Variants in RRN3 observed in about 807,000 individuals in gnomAD.
RRN3 encodes the protein RNA polymerase I-specific transcription initiation factor RRN3.
In RRN3, 38 loss-of-function variants were observed where a neutral mutation model predicts 82.3. The ratio of observed to expected loss-of-function variants is 0.46; its 90% CI spans 0.36 to 0.61. The LOEUF (loss-of-function observed/expected upper bound fraction) is 0.61, where lower values mean the gene tolerates loss of function less well. Among genes scored for constraint, RRN3 ranks in the 20% least tolerant of loss-of-function variants. The pLI is 0.00. For missense variants in RRN3, 726 were observed against 793.1 expected (o/e 0.92, Z 1.02); for synonymous variants, 284 against 284.3 (o/e 1.00, Z 0.01).
intron 8 of RRN3, among the ~76,000 whole-genome samples, chr16:15,080,775 G>A (rs1299003672): frequency 6.6e-6 from 1 of 151,832 alleles, no homozygotes; most frequent in African/African-American, 2.4e-5. Context: ...ATCCATTAGT[G>A]CACCCCTAAA....
chr16:15,081,907 T>C (rs1436752441), intron 8 of RRN3, among the ~76,000 whole-genome samples: 2 of 152,230 alleles, frequency 1.3e-5, no homozygotes, highest in Non-Finnish European at 2.9e-5. Flanking sequence ...TTTGTTGAAA[T>C]GACTATTCTC....
intron 15 of RRN3, among the ~76,000 whole-genome samples, chr16:15,065,708 T>TA (rs773371363): frequency 6.6e-6 from 1 of 152,230 alleles, no homozygotes; most frequent in East Asian, 1.9e-4. Context: ...GCAAAACTCT[T>TA]AGATTACGTA....
chr16:15,092,379 G>A (rs1454343523), intron 2 of RRN3, 130 bp downstream of exon 2: 1 of 675,978 alleles, frequency 1.5e-6, no homozygotes, highest in East Asian at 2.7e-5. Context: ...ACGGCATCAT[G>A]CTATTATTAA....
At chr16:15,071,516 C>T (rs2045227922) in intron 12 of RRN3, among the ~76,000 whole-genome samples, 1 of 152,208 alleles carries the variant, frequency 6.6e-6, no homozygotes, top group African/African-American at 2.4e-5. Context: ...GCCTGTAATC[C>T]CAGCACTTTG....
intron 9 of RRN3, among the ~76,000 whole-genome samples, chr16:15,077,909 G>C (rs924945435): frequency 6.6e-6 from 1 of 152,142 alleles, no homozygotes; most frequent in African/African-American, 2.4e-5. Context: ...GTGTGAAAAT[G>C]GACTAATACA....
chr16:15,062,206 T>G (rs2044743233), intron 17 of RRN3, among the ~76,000 whole-genome samples: 1 of 152,198 alleles, frequency 6.6e-6, no homozygotes, highest in African/African-American at 2.4e-5. Context: ...CTTACCAACA[T>G]ACCCACATAA....
chr16:15,073,104 A>G (rs775439183), intron 11 of RRN3, 24 bp from the exon 12 acceptor site: 1 of 1,601,374 alleles, frequency 6.2e-7, no homozygotes, highest in Admixed American at 1.8e-5. Flanking sequence ...CTGGCATCTC[A>G]GTTTTTATAA....
At chr16:15,070,382 A>G (rs1460576515) in intron 13 of RRN3, 128 bp from the exon 14 acceptor site, 3 of 648,988 alleles carry the variant, frequency 4.6e-6, no homozygotes, top group East Asian at 2.9e-5. Context: ...AATAATACCC[A>G]TGGGTACAGA....
chr16:15,093,790 G>A (rs2046236714), intron 1 of RRN3, among the ~76,000 whole-genome samples: 2 of 152,126 alleles, frequency 1.3e-5, no homozygotes, highest in Admixed American at 1.3e-4. Flanking sequence ...GAGTGACGAC[G>A]TTCGGCTGAT....
chr16:15,080,877 T>TTCAA (rs2045670754), intron 8 of RRN3, among the ~76,000 whole-genome samples: 1 of 151,766 alleles, frequency 6.6e-6, no homozygotes, highest in Non-Finnish European at 1.5e-5. Context: ...GTTTTTAGGG[T>TTCAA]TCAATCATGT....
intron 13 of RRN3, 133 bp downstream of exon 13, chr16:15,070,988 C>G (rs1223811524): frequency 7.3e-6 from 5 of 688,908 alleles, no homozygotes; most frequent in Middle Eastern, 4.4e-4. Flanking sequence ...ATATAAACAT[C>G]TTGCACAGAG....
intron 2 of RRN3, among the ~76,000 whole-genome samples, chr16:15,091,975 G>A (rs533064839): frequency 6.6e-5 from 10 of 152,210 alleles, no homozygotes; most frequent in East Asian, 3.9e-4. Context: ...TCAGGAGTTC[G>A]AGACCAGCCT....
intron 1 of RRN3, 113 bp downstream of exon 1, chr16:15,094,032 C>G (rs1362205423): frequency 3.3e-6 from 3 of 909,652 alleles, no homozygotes; most frequent in Admixed American, 4.2e-5. Context: ...CCCTCCACCC[C>G]GTGCTCCTAT....
chr16:15,065,277 G>C lies in RRN3; in HGVS notation c.1648C>G (p.Gln550Glu). The C allele has an allele frequency of 6.2e-7, 1 of 1,613,888 alleles. No homozygotes were observed. Among genetic ancestry groups the C allele is most frequent in the Non-Finnish European group, 8.5e-7 (1 of 1,179,818 alleles). ...IRSTAGGDSV[Q>E]ICTNPLDTFF... ...GTGTCCAGCGGGTTTGTGCAGATCT[G>C]CACTGAGTCTCCTCCAGCGGTACTC... Residue 550 changes from glutamine (Q) to glutamate (E), a missense_variant, in exon 16 of 18, where the codon CAG (glutamine) becomes GAG (glutamate). This residue lies in a region of RRN3 where 166 missense variants were observed against 154.8 expected (regional missense o/e 1.07). Coordinates refer to ENST00000198767, the MANE Select transcript of RRN3 (RefSeq NM_018427.5).
chr16:15,073,141 A>C, intron 11 of RRN3, 61 bp from the exon 12 acceptor site: 1 of 1,550,278 alleles, frequency 6.5e-7, no homozygotes, highest in Non-Finnish European at 8.8e-7. Flanking sequence ...TTCATCTGCC[A>C]TATTTTTTAT....
intron 1 of RRN3, among the ~76,000 whole-genome samples, chr16:15,093,582 A>T (rs1011957298): frequency 6.6e-6 from 1 of 152,156 alleles, no homozygotes; most frequent in African/African-American, 2.4e-5. Context: ...TATTACGCTA[A>T]TTGTTTTACA....
chr16:15,060,123 A>G lies in RRN3; in HGVS notation c.*1621T>C. ...TTTCACCATGGATTTTTTTTCACAAACTCCTTTGAAATTAAACAGACTTAT... is the reference window on the plus strand; with the variant it reads ...TTTCACCATGGATTTTTTTTCACAAGCTCCTTTGAAATTAAACAGACTTAT... On this transcript the variant is annotated 3_prime_UTR_variant, in exon 18 of 18. Transcript: ENST00000198767. The G allele has an allele frequency of 2.9e-6, 1 of 341,878 alleles. No homozygotes were observed. Among genetic ancestry groups the G allele is most frequent in the Non-Finnish European group, 5.7e-6 (1 of 174,056 alleles). 21.2% of individuals were successfully genotyped at this position (341,878 alleles called of 1,614,324 possible).
chr16:15,075,595 A>T (rs554394824), intron 10 of RRN3, among the ~76,000 whole-genome samples: 1 of 152,120 alleles, frequency 6.6e-6, no homozygotes, highest in South Asian at 2.1e-4. Flanking sequence ...AAAGAAAAGA[A>T]AGAAAGAAAT....
At chr16:15,076,500 A>G in intron 10 of RRN3, 58 bp downstream of exon 10, 2 of 1,115,656 alleles carry the variant, frequency 1.8e-6, no homozygotes, top group South Asian at 1.2e-5. Flanking sequence ...GAGCAGCACT[A>G]GCTGTTTCCA....
Sources: gnomAD v4.1 joint callset for allele counts (sites outside exome capture counted in the v4.1 genomes callset) on GRCh38, gnomAD v4.1.1 for gene constraint, gnomAD v4.1.1 regional missense constraint, MANE v1.5 for transcripts, NCBI Gene and HGNC (gene_info 2026-07-23, HGNC 2026-07-21) for gene names.